The following DMXL2 variants were observed in gnomAD, a reference collection of about 807,000 sequenced individuals.
DMXL2 encodes the protein Dmx like 2.
Under a neutral mutation model 331.1 loss-of-function variants are expected in DMXL2, and 103 were observed. That is an observed-to-expected ratio of 0.31 (90% CI 0.27 to 0.37). The LOEUF is 0.37. Ranked by LOEUF, DMXL2 falls within the 10% of genes least tolerant of loss-of-function variation. DMXL2 has a pLI of 1.00. For synonymous variants in DMXL2, 1,281 were observed against 1,252.1 expected (o/e 1.02, Z -0.49); for missense variants, 3,171 against 3,642.9 (o/e 0.87, Z 3.33).
intron 31 of DMXL2, 125 bp downstream of exon 31, chr15:51,465,441 C>A: frequency 2.7e-6 from 2 of 749,298 alleles, no homozygotes; most frequent in Non-Finnish European, 4.5e-6. Flanking sequence ...ATAAACAAGA[C>A]TTTATAAAAT....
At chr15:51,536,949 CT>C in intron 11 of DMXL2, 87 bp from the exon 12 acceptor site, 3 of 1,157,420 alleles carry the variant, frequency 2.6e-6, no homozygotes, top group Non-Finnish European at 3.6e-6. Flanking sequence ...CAAATCTCAG[CT>C]TCTTATCAAA....
rs138394487 is a variant in DMXL2, at chr15:51,481,071, T to G, written c.6035A>C (p.Gln2012Pro). 108 of 1,613,856 alleles carry G rather than the reference T, an allele frequency of 6.7e-5. No individual in the cohort carries two copies. The African/African-American group carries it at 1.4e-3, about 21-fold the overall frequency. The change falls in exon 24 of 44, where the codon CAG (glutamine) becomes CCG (proline). Residue 2012 changes from glutamine to proline, a missense_variant. Physicochemically the swap from Gln to Pro is moderately conservative, Grantham distance 76 (BLOSUM62 -1). Around this residue, in one of 7 missense-constraint regions of DMXL2, gnomAD observed 244 missense variants for 251.4 expected, o/e 0.97. Transcript: ENST00000560891. Reference protein sequence around the residue: ...DAREKDKQSDQKASDPNMLLT... With the variant: ...DAREKDKQSDPKASDPNMLLT... ...TAACATGTTAGGGTCTGAGGCCTTC[T>G]GATCTGATTGTTTATCTTTTTCCCT...
At chr15:51,470,859 C>T (rs2041036432) in intron 29 of DMXL2, among the ~76,000 whole-genome samples, 1 of 152,096 alleles carries the variant, frequency 6.6e-6, no homozygotes, top group South Asian at 2.1e-4. Context: ...AAATGTCCAT[C>T]CATCTCCTTC....
chr15:51,541,012 G>A (rs2048564311), intron 9 of DMXL2, among the ~76,000 whole-genome samples: 2 of 152,096 alleles, frequency 1.3e-5, no homozygotes, highest in African/African-American at 2.4e-5. Context: ...AGACTATCAC[G>A]AATTGCATTT....
At chr15:51,496,757 G>T (rs2043209209) in intron 18 of DMXL2, among the ~76,000 whole-genome samples, 2 of 152,174 alleles carry the variant, frequency 1.3e-5, no homozygotes, top group South Asian at 4.1e-4. Flanking sequence ...GATAGCATTT[G>T]CCAATGAACT....
intron 6 of DMXL2, among the ~76,000 whole-genome samples, chr15:51,556,836 G>T (rs1244114692): frequency 6.6e-6 from 1 of 151,832 alleles, no homozygotes; most frequent in Admixed American, 6.6e-5. Context: ...ATTCTATATC[G>T]TTTGTGGTTT....
At chr15:51,539,075 C>T (rs751116317) in intron 9 of DMXL2, among the ~76,000 whole-genome samples, 29 of 151,414 alleles carry the variant, frequency 1.9e-4, no homozygotes, top group Admixed American at 1.3e-4. Flanking sequence ...CCCAGTGTGG[C>T]GGGGTGTGCC....
intron 7 of DMXL2, 103 bp from the exon 8 acceptor site, chr15:51,545,869 A>G (rs2048860977): frequency 1.1e-6 from 1 of 891,466 alleles, no homozygotes; most frequent in African/African-American, 1.7e-5. Flanking sequence ...AGTGCAAAAC[A>G]CTATGGAAAA....
intron 6 of DMXL2, among the ~76,000 whole-genome samples, chr15:51,549,478 C>T (rs1052111742): frequency 2.0e-5 from 3 of 152,104 alleles, no homozygotes; most frequent in Admixed American, 2.0e-4. Flanking sequence ...GATAGATACC[C>T]AGAAGTGGAT....
chr15:51,616,113 AAGG>A (rs1270412329), intron 1 of DMXL2, among the ~76,000 whole-genome samples: 2 of 152,194 alleles, frequency 1.3e-5, no homozygotes, highest in African/African-American at 4.8e-5. Context: ...AGTGGACCTA[AAGG>A]AACATCTCTC....
intron 23 of DMXL2, among the ~76,000 whole-genome samples, chr15:51,484,772 C>A (rs1319139801): frequency 6.6e-6 from 1 of 152,044 alleles, no homozygotes; most frequent in African/African-American, 2.4e-5. Context: ...TTAAGGAAAT[C>A]ATAGTCTTAA....
At chr15:51,558,155 A>T (rs1254073942) in intron 6 of DMXL2, among the ~76,000 whole-genome samples, 2 of 152,204 alleles carry the variant, frequency 1.3e-5, no homozygotes, top group African/African-American at 4.8e-5. Flanking sequence ...TGATGTGTGT[A>T]AAGAACATGT....
intron 1 of DMXL2, among the ~76,000 whole-genome samples, chr15:51,600,303 A>G (rs2053139046): frequency 6.6e-6 from 1 of 152,122 alleles, no homozygotes; most frequent in Admixed American, 6.5e-5. Flanking sequence ...GCTAGGTAGA[A>G]TCTACCTGAC....
intron 2 of DMXL2, among the ~76,000 whole-genome samples, chr15:51,575,559 GT>G (rs1174242722): frequency 6.6e-6 from 1 of 152,042 alleles, no homozygotes; most frequent in Non-Finnish European, 1.5e-5. Flanking sequence ...TAAAACCTCT[GT>G]TTTAAAGCCT....
At chr15:51,615,036 A>C (rs940814587) in intron 1 of DMXL2, among the ~76,000 whole-genome samples, 1 of 152,208 alleles carries the variant, frequency 6.6e-6, no homozygotes, top group Non-Finnish European at 1.5e-5. Flanking sequence ...TGAAGGTATA[A>C]CCATTAGAAT....
chr15:51,518,428 G>C (rs1448870900), intron 13 of DMXL2, among the ~76,000 whole-genome samples: 2 of 152,216 alleles, frequency 1.3e-5, no homozygotes, highest in African/African-American at 2.4e-5. Context: ...GGTGAAAACA[G>C]TGAAATTTTT....
At position 51,455,923 on chromosome 15, in the gene DMXL2, GTGTA is replaced by G. The variant is rs763842998; in HGVS notation, c.8526+139_8526+142del. The G allele has an allele frequency of 1.4e-5, 13 of 898,118 alleles. No individual in the cohort carries two copies. In the Admixed American group the frequency reaches 2.8e-4, roughly 19 times the overall value. The allele number at this position is 898,118 out of a possible 1,614,324, so 55.6% of individuals were successfully genotyped here. A position where few individuals can be genotyped will look rare whatever the true frequency, so the allele number is the denominator to read the frequency against. Reference sequence around the variant, plus strand: ...TTTGCTTCTATTGGAAGAAAAGAGAGTGTATGAATAGACTCCAACAAACTGTCTA... The same window carrying G: ...TTTGCTTCTATTGGAAGAAAAGAGAGTGAATAGACTCCAACAAACTGTCTA... On this transcript the variant is annotated intron_variant, in intron 39 of 43. Coordinates refer to ENST00000560891, the MANE Select transcript of DMXL2 (RefSeq NM_001378457.1).
chr15:51,598,143 T>C (rs1465234445), intron 1 of DMXL2, among the ~76,000 whole-genome samples: 1 of 152,188 alleles, frequency 6.6e-6, no homozygotes, highest in Non-Finnish European at 1.5e-5. Flanking sequence ...TAATCTCCTT[T>C]TATGATACAG....
intron 13 of DMXL2, among the ~76,000 whole-genome samples, chr15:51,534,086 G>C (rs1159005079): frequency 6.6e-6 from 1 of 152,162 alleles, no homozygotes; most frequent in South Asian, 2.1e-4. Context: ...GCAGAGAGCA[G>C]GGAGGGGGAA....
Sources: gnomAD v4.1 joint callset for allele counts (sites outside exome capture counted in the v4.1 genomes callset) on GRCh38, gnomAD v4.1.1 for gene constraint, gnomAD v4.1.1 regional missense constraint, MANE v1.5 for transcripts, NCBI Gene and HGNC (gene_info 2026-07-23, HGNC 2026-07-21) for gene names.